Variants in HECTD4 observed in about 807,000 individuals in gnomAD.
HECTD4 encodes HECT domain E3 ubiquitin protein ligase 4.
Under a neutral mutation model 471.5 loss-of-function variants are expected in HECTD4, and 114 were observed. That is an observed-to-expected ratio of 0.24 (90% CI 0.21 to 0.28). HECTD4 has a LOEUF of 0.28. Ranked by LOEUF, HECTD4 falls within the 10% of genes least tolerant of loss-of-function variation. The pLI is 1.00. For synonymous variants in HECTD4, 2,012 were observed against 2,256.0 expected (o/e 0.89, Z 3.07); for missense variants, 3,866 against 5,651.5 (o/e 0.68, Z 10.13).
At chr12:112,377,223 A>G (rs1254918246) in intron 1 of HECTD4, among the ~76,000 whole-genome samples, 1 of 152,090 alleles carries the variant, frequency 6.6e-6, no homozygotes, top group Non-Finnish European at 1.5e-5. Context: ...CTTGAGGCCA[A>G]GAGGAATTCA....
rs1048967090 is a variant in HECTD4, at chr12:112,309,669, T to C, written c.917A>G (p.Asp306Gly). 9.5e-6 allele frequency: 14 copies of C among 1,477,510 alleles called. No homozygotes were observed. The East Asian group carries it at 1.7e-4, about 18-fold the overall frequency. 91.5% of individuals were successfully genotyped at this position (1,477,510 alleles called of 1,614,324 possible). Residue 306 changes from aspartate to glycine, a missense_variant and splice_region_variant, in exon 5 of 76, where the codon GAT becomes GGT. By Grantham distance (94) the Asp-to-Gly change is moderately conservative. Transcript: ENST00000682272. ...SNTGSSSENK[D>G]ADLGRCLTAD... ...CGTGAGACAGCGTCCCAAGTCAGCA[T>C]CTGAAATCGTTTTTTCACAGGTAAA...
At position 112,173,453 on chromosome 12, in the gene HECTD4, G is replaced by A. The variant is rs1407260123; in HGVS notation, c.11595-592C>T. 6.6e-6 allele frequency among the ~76,000 whole-genome samples: 1 copy of A among 151,636 alleles called. No individual in the cohort carries two copies. The highest frequency in any genetic ancestry group is 1.5e-5 in the Non-Finnish European group (1 of 67,942). On this transcript the variant is annotated intron_variant, in intron 66 of 75. Coordinates refer to ENST00000682272, the MANE Select transcript of HECTD4 (RefSeq NM_001388303.1). This position sits in a 1 kb window ranked among gnomAD's most constrained non-coding sequence, Gnocchi z 4.3. ...CGCCCAGGCTGGAGTGCAGTGGTGC[G>A]ATCTCAGCTCACTGCAAGCTCTGCC... is the stretch of plus-strand genomic sequence containing the variant.
At chr12:112,226,899 T>C (rs1421415536) in intron 43 of HECTD4, 141 bp from the exon 44 acceptor site, 2 of 571,206 alleles carry the variant, frequency 3.5e-6, no homozygotes, top group Admixed American at 2.9e-5. Context: ...GCTTTTTTTT[T>C]CTGAGCTGGA....
In HECTD4 at chr12:112,171,103, G is replaced by A; in HGVS notation, c.11932+14C>T. 1 of 1,605,126 alleles carries A rather than the reference G, an allele frequency of 6.2e-7. No individual in the cohort carries two copies. Among genetic ancestry groups the A allele is most frequent in the Non-Finnish European group, 8.5e-7 (1 of 1,173,430 alleles). Reference sequence around the variant, plus strand: ...CTCTCTTCCTGCAGGGCCAGGGCAGGTGCAGGCACTGACCTTTGGCCTCCT... The same window carrying A: ...CTCTCTTCCTGCAGGGCCAGGGCAGATGCAGGCACTGACCTTTGGCCTCCT... On this transcript the variant is annotated intron_variant, in intron 68 of 75. Coordinates refer to ENST00000682272, the MANE Select transcript of HECTD4 (RefSeq NM_001388303.1).
chr12:112,353,532 C>T (rs1322456166), intron 1 of HECTD4, among the ~76,000 whole-genome samples: 1 of 152,114 alleles, frequency 6.6e-6, no homozygotes, highest in Non-Finnish European at 1.5e-5. Flanking sequence ...AGAGATGAGT[C>T]ATTTTAAGAA....
chr12:112,305,246 T>C (rs2035249686), intron 7 of HECTD4, among the ~76,000 whole-genome samples: 1 of 152,152 alleles, frequency 6.6e-6, no homozygotes, highest in Non-Finnish European at 1.5e-5. Flanking sequence ...AACGTATGGC[T>C]AGCAGCCACT....
intron 39 of HECTD4, chr12:112,231,145 C>A: frequency 2.2e-6 from 1 of 446,286 alleles, no homozygotes; most frequent in South Asian, 3.0e-5. Context: ...AGAGGCAACA[C>A]TTAACTGCTG....
At position 112,235,644 on chromosome 12, in the gene HECTD4, A is replaced by G. The variant is rs2033483149; in HGVS notation, c.5585T>C (p.Val1862Ala). Residue 1862 changes from valine (V) to alanine (A), a missense_variant, in exon 36 of 76, where the codon GTA becomes GCA. By Grantham distance (64) the Val-to-Ala change is moderately conservative. Coordinates refer to ENST00000682272, the MANE Select transcript of HECTD4 (RefSeq NM_001388303.1). The surrounding 1 kb of genome is among the most constrained non-coding windows in gnomAD (Gnocchi z 5.0). The stretch of plus-strand genomic sequence containing the variant: ...GAGCTCCACGTTTCCACAGTCTTCT[A>G]CGCTCATCAGGGGCAGCGCCGCCCG... ...LCRAALPLMSVEDCGNVELPP... is the reference protein window; with the variant it reads ...LCRAALPLMSAEDCGNVELPP... The G allele has an allele frequency of 1.2e-6, 2 of 1,614,014 alleles. No homozygotes were observed. The highest frequency in any genetic ancestry group is 1.7e-6 in the Non-Finnish European group (2 of 1,179,888).
intron 1 of HECTD4, among the ~76,000 whole-genome samples, chr12:112,369,246 AG>A (rs1195592606): frequency 5.9e-5 from 9 of 152,190 alleles, no homozygotes; most frequent in African/African-American, 2.2e-4. Flanking sequence ...TTGGCTGACC[AG>A]GGTTCAGCGT....
chr12:112,182,948 TA>T, intron 62 of HECTD4, 110 bp downstream of exon 62: 2 of 753,860 alleles, frequency 2.7e-6, no homozygotes, highest in Non-Finnish European at 2.2e-6. Context: ...TGCAAGATGT[TA>T]AAAATAGGGG....
rs750931854 is a variant in HECTD4, at chr12:112,195,081, G to A, written c.8568-15C>T. 4 of 1,579,704 alleles carry A rather than the reference G, an allele frequency of 2.5e-6. No individual in the cohort carries two copies. The highest frequency in any genetic ancestry group is 3.4e-6 in the Non-Finnish European group (4 of 1,164,364). On this transcript the variant is annotated splice_polypyrimidine_tract_variant and intron_variant, in intron 55 of 75. Coordinates refer to ENST00000682272, the MANE Select transcript of HECTD4 (RefSeq NM_001388303.1). Reference sequence around the variant, plus strand: ...GCAGCAGCTCCCTGCAAGGGAAAAGGTGGGTGAGATACTCAAAGCCCTGAT... The same window carrying A: ...GCAGCAGCTCCCTGCAAGGGAAAAGATGGGTGAGATACTCAAAGCCCTGAT...
At chr12:112,333,682 T>TAAAC (rs565131789) in intron 1 of HECTD4, among the ~76,000 whole-genome samples, 1 of 152,090 alleles carries the variant, frequency 6.6e-6, no homozygotes, top group Non-Finnish European at 1.5e-5. Context: ...CTGTATCTAT[T>TAAAC]AAACAAACAA....
chr12:112,333,123 T>G (rs2035876341), intron 1 of HECTD4, among the ~76,000 whole-genome samples: 1 of 152,258 alleles, frequency 6.6e-6, no homozygotes, highest in Admixed American at 6.5e-5. Flanking sequence ...ACATTTTAAT[T>G]GTTTTCATTT....
chr12:112,242,668 G>A (rs1249035918), intron 32 of HECTD4, among the ~76,000 whole-genome samples: 1 of 151,140 alleles, frequency 6.6e-6, no homozygotes. Flanking sequence ...ACAGCACTTT[G>A]GGGGGGCCGA....
At chr12:112,302,000 G>T in intron 7 of HECTD4, 1 of 901,926 alleles carries the variant, frequency 1.1e-6, no homozygotes, top group Non-Finnish European at 1.8e-6. Context: ...ATTGTCATTG[G>T]TCCTGATACC....
intron 62 of HECTD4, among the ~76,000 whole-genome samples, chr12:112,182,721 A>G (rs2031721786): frequency 1.3e-5 from 2 of 152,270 alleles, no homozygotes; most frequent in Non-Finnish European, 2.9e-5. Context: ...TAGCCTCTCC[A>G]GCTGGAACGC....
chr12:112,170,550 A>C, intron 68 of HECTD4, 98 bp from the exon 69 acceptor site: 59 of 1,487,576 alleles, frequency 4.0e-5, no homozygotes, highest in Non-Finnish European at 4.9e-5. Context: ...TGGCACTCTC[A>C]GGCCCCCTGG....
At chr12:112,256,725 G>T in intron 20 of HECTD4, 1 of 356,978 alleles carries the variant, frequency 2.8e-6, no homozygotes, top group Non-Finnish European at 4.9e-6. Context: ...TATTATACTT[G>T]CTTTTTTTTT....
Position 112,184,061 on chromosome 12 carries a change from C to T in HECTD4, c.10779+126G>A. 2 of 900,332 alleles carry T rather than the reference C, an allele frequency of 2.2e-6. No homozygotes were observed. The highest frequency in any genetic ancestry group is 1.6e-5 in the South Asian group (1 of 61,942). The allele number at this position is 900,332 out of a possible 1,614,324, so 55.8% of individuals were successfully genotyped here. ...AGCCTCACTGTGCTCATTCCAAGGG[C>T]TGCCCCAGGGAGCCCCCAACCGCTC... On this transcript the variant is annotated intron_variant, in intron 61 of 75. Transcript: ENST00000682272. This position sits in a 1 kb window ranked among gnomAD's most constrained non-coding sequence, Gnocchi z 9.1.
Sources: gnomAD v4.1 joint callset for allele counts (sites outside exome capture counted in the v4.1 genomes callset) on GRCh38, gnomAD v4.1.1 for gene constraint, Gnocchi (gnomAD v3.1) non-coding constraint, MANE v1.5 for transcripts, NCBI Gene and HGNC (gene_info 2026-07-23, HGNC 2026-07-21) for gene names.